ZNF219: variants seen among roughly 807,000 people sequenced by gnomAD.
The protein encoded by ZNF219 is zinc finger protein 219.
In ZNF219, 17 loss-of-function variants were observed where a neutral mutation model predicts 54.4. The ratio of observed to expected loss-of-function variants is 0.31; its 90% CI spans 0.21 to 0.47. The LOEUF (loss-of-function observed/expected upper bound fraction) is 0.47. Among genes scored for constraint, ZNF219 ranks in the 20% least tolerant of loss-of-function variants. The pLI is 1.00. For missense variants in ZNF219, 1,014 were observed against 1,062.3 expected (o/e 0.95, Z 0.63); for synonymous variants, 518 against 476.4 (o/e 1.09, Z -1.14).
chr14:21,093,516 G>C, intron 2 of ZNF219, 70 bp downstream of exon 2: 1 of 1,563,138 alleles, frequency 6.4e-7, no homozygotes. Flanking sequence ...GTCAAAGAGA[G>C]AGAGAGGTAG....
At chr14:21,101,927 C>G, upstream of ZNF219, 1 of 1,551,674 alleles carries the variant, frequency 6.4e-7, no homozygotes, top group Non-Finnish European at 8.7e-7. Context: ...CCTGCCTGAA[C>G]TCTGATTGTC....
At position 21,090,924 on chromosome 14, in the gene ZNF219, G is replaced by A. The variant is rs981606195; in HGVS notation, c.1781C>T (p.Pro594Leu). The change falls in exon 5 of 5, where the codon CCC becomes CTC. Residue 594 changes from proline to leucine, a missense_variant. By Grantham distance (98) the Pro-to-Leu change is moderately conservative (BLOSUM62 -3). Coordinates refer to ENST00000360947, the MANE Select transcript of ZNF219 (RefSeq NM_016423.3). This position sits in a 1 kb window ranked among gnomAD's most constrained non-coding sequence, Gnocchi z 4.4. ...CCCAGCACCGCTAGAAGGAGGCCGG[G>A]GACTTGAGGCGCCCTCCACCCAGGT... ...PATWVEGASS[P>L]RPPSSGAGPG... is the part of the protein sequence containing the mutation. 5 of 1,547,570 alleles carry A rather than the reference G, an allele frequency of 3.2e-6. No individual in the cohort carries two copies. The highest frequency in any genetic ancestry group is 1.4e-5 in the African/African-American group (1 of 73,444).
At chr14:21,095,370 A>G (rs1173875499) in intron 1 of ZNF219, among the ~76,000 whole-genome samples, 1 of 152,230 alleles carries the variant, frequency 6.6e-6, no homozygotes, top group Non-Finnish European at 1.5e-5. Flanking sequence ...TAGTGTCACA[A>G]AAGGTGAATT....
chr14:21,098,703 G>T (rs1286913392), upstream of ZNF219: 2 of 1,024,876 alleles, frequency 2.0e-6, no homozygotes, highest in Non-Finnish European at 2.5e-6. Flanking sequence ...CGGGGGTGGG[G>T]CGCACAGAGG....
upstream of ZNF219, chr14:21,101,317 C>A (rs1186022378): frequency 9.7e-6 from 15 of 1,547,956 alleles, no homozygotes. Flanking sequence ...GCCTAGGAAG[C>A]ACCTAATTCT....
chr14:21,093,087 A>G lies in ZNF219; in HGVS notation c.210T>C (p.Ser70=), dbSNP rs1416172197. 12 of 1,605,788 alleles carry G rather than the reference A, an allele frequency of 7.5e-6. No homozygotes were observed. In the East Asian group the frequency reaches 2.5e-4, roughly 33 times the overall value. Reference sequence around the variant, plus strand: ...GCGCCCGCAGGTGCAAAGCAAGGATAGAGTTGAAGCGGAAGCGCTTCCCGC... The same window carrying G: ...GCGCCCGCAGGTGCAAAGCAAGGATGGAGTTGAAGCGGAAGCGCTTCCCGC... The part of the protein sequence containing the change: ...PVCGKRFRFN[S]ILALHLRAHP... Residue 70 remains serine (S), a synonymous_variant, in exon 3 of 5, where the codon TCT becomes TCC. Transcript: ENST00000360947.
At chr14:21,091,584 C>A in intron 3 of ZNF219, 42 bp from the exon 4 acceptor site, 2 of 1,572,236 alleles carry the variant, frequency 1.3e-6, no homozygotes, top group Non-Finnish European at 1.7e-6. Flanking sequence ...GGGCCCACAC[C>A]CTGTCCAGGT....
At position 21,092,093 on chromosome 14, in the gene ZNF219, G is replaced by A. The variant is rs1394573349; in HGVS notation, c.1204C>T (p.Arg402Cys). Residue 402 changes from arginine to cysteine, a missense_variant, in exon 3 of 5, where the codon CGC (arginine) becomes TGC (cysteine). By Grantham distance (180) the Arg-to-Cys change is radical (BLOSUM62 -3). Coordinates refer to ENST00000360947, the MANE Select transcript of ZNF219 (RefSeq NM_016423.3). ...NGEGAEPGPGRSFGGFRPLSS... is the reference protein window; with the variant it reads ...NGEGAEPGPGCSFGGFRPLSS... ...AGCGGGCGGAAGCCTCCGAAGCTGCGGCCGGGACCGGGCTCAGCACCCTCG... is the reference window on the plus strand; with the variant it reads ...AGCGGGCGGAAGCCTCCGAAGCTGCAGCCGGGACCGGGCTCAGCACCCTCG... 3.3e-6 allele frequency: 5 copies of A among 1,534,622 alleles called. No individual in the cohort carries two copies. The highest frequency in any genetic ancestry group is 2.5e-5 in the East Asian group (1 of 39,740).
Position 21,091,112 on chromosome 14 carries a change from G to A in ZNF219, c.1593C>T (p.Cys531=), listed in dbSNP as rs1419727184. Residue 531 remains cysteine, a synonymous_variant, in exon 5 of 5, where the codon TGC becomes TGT. Transcript: ENST00000360947. ...AGCCGGACTGGGTGCCCGCGTAGTC[G>A]CAGTGCGGACACTTGTAGGGCCGCT... ...TGERPYKCPH[C]DYAGTQSGSL... 2 of 1,589,058 alleles carry A rather than the reference G, an allele frequency of 1.3e-6. No homozygotes were observed. Among genetic ancestry groups the A allele is most frequent in the African/African-American group, 1.3e-5 (1 of 74,668 alleles).
In ZNF219 at chr14:21,092,658, C is replaced by G; in HGVS notation, c.639G>C (p.Gly213=). ...ELLHHSLTAH[G]APERPLAATS... is the part of the protein sequence containing the mutation. ...TGGCCGCCAGGGGACGCTCGGGAGC[C>G]CCGTGGGCCGTCAGGCTGTGGTGCA... Residue 213 remains glycine (G), a synonymous_variant, in exon 3 of 5, where the codon GGG becomes GGC. Transcript: ENST00000360947. 1 of 1,569,202 alleles carries G rather than the reference C, an allele frequency of 6.4e-7. No homozygotes were observed. The highest frequency in any genetic ancestry group is 8.6e-7 in the Non-Finnish European group (1 of 1,159,656).
Position 21,093,142 on chromosome 14 carries a change from G to A in ZNF219, c.155C>T (p.Ala52Val). Residue 52 changes from alanine to valine, a missense_variant, in exon 3 of 5, where the codon GCA becomes GTA. By Grantham distance (64) the Ala-to-Val change is moderately conservative. Coordinates refer to ENST00000360947, the MANE Select transcript of ZNF219 (RefSeq NM_016423.3). Reference sequence around the variant, plus strand: ...AGGGCAGGGGAAGCGCCGTTCGCCTGCACGACTCTCAGACCAGCTCACCGC... The same window carrying A: ...AGGGCAGGGGAAGCGCCGTTCGCCTACACGACTCTCAGACCAGCTCACCGC... ...MGAVSWSESRAGERRFPCPVC... is the reference protein window; with the variant it reads ...MGAVSWSESRVGERRFPCPVC... 6.2e-7 allele frequency: 1 copy of A among 1,610,518 alleles called. No homozygotes were observed. Among genetic ancestry groups the A allele is most frequent in the South Asian group, 1.1e-5 (1 of 90,966 alleles).
chr14:21,102,820 A>G, upstream of ZNF219: 1 of 1,538,438 alleles, frequency 6.5e-7, no homozygotes, highest in South Asian at 1.2e-5. Flanking sequence ...CTAGCTGCCA[A>G]CTAATTTTTC....
At chr14:21,102,718 T>C (rs1202308868), upstream of ZNF219, 9 of 1,551,488 alleles carry the variant, frequency 5.8e-6, no homozygotes, top group Non-Finnish European at 7.8e-6. Context: ...CTATTCTTGC[T>C]GAGCCAGAGG....
At chr14:21,093,698 G>A in intron 1 of ZNF219, 24 bp from the exon 2 acceptor site, 1 of 1,608,326 alleles carries the variant, frequency 6.2e-7, no homozygotes, top group Non-Finnish European at 8.5e-7. Flanking sequence ...CAGATTTGGA[G>A]GAAAAGATGA....
chr14:21,102,490 G>T, upstream of ZNF219: 1 of 1,551,722 alleles, frequency 6.4e-7, no homozygotes, highest in East Asian at 2.4e-5. Flanking sequence ...ACAGCCTTGG[G>T]GCCTGCCCCA....
chr14:21,092,453 T>C lies in ZNF219; in HGVS notation c.844A>G (p.Ser282Gly). The change falls in exon 3 of 5, where the codon AGC becomes GGC. Residue 282 changes from serine to glycine, a missense_variant. By Grantham distance (56) the Ser-to-Gly change is moderately conservative. Transcript: ENST00000360947. ...TTGAGAAACCAAGACTGTGTAAAGC[T>C]CTGGCCGCACACTTGGCAGCGGAAC... Reference protein sequence around the residue: ...PEFRCQVCGQSFTQSWFLKGH... With the variant: ...PEFRCQVCGQGFTQSWFLKGH... 1 of 1,559,930 alleles carries C rather than the reference T, an allele frequency of 6.4e-7. No individual in the cohort carries two copies. Among genetic ancestry groups the C allele is most frequent in the East Asian group, 2.4e-5 (1 of 41,600 alleles).
upstream of ZNF219, chr14:21,102,119 AG>A: frequency 6.4e-7 from 1 of 1,550,830 alleles, no homozygotes; most frequent in Non-Finnish European, 8.7e-7. Flanking sequence ...CGCCTTTGGA[AG>A]GTGAGAGGGA....
chr14:21,097,900 TG>T (rs893246088), intron 1 of ZNF219, among the ~76,000 whole-genome samples: 1 of 149,572 alleles, frequency 6.7e-6, no homozygotes, highest in African/African-American at 2.5e-5. Context: ...GGCCGGGGGT[TG>T]GGGGGTGCAC....
chr14:21,094,052 G>C (rs1188509373), intron 1 of ZNF219, among the ~76,000 whole-genome samples: 3 of 152,150 alleles, frequency 2.0e-5, no homozygotes, highest in Non-Finnish European at 2.9e-5. Flanking sequence ...TTATCCAAGT[G>C]GGACCAGTTG....
Sources: allele counts gnomAD v4.1 joint callset (sites outside exome capture counted in the v4.1 genomes callset), GRCh38; gene constraint gnomAD v4.1.1; non-coding constraint Gnocchi (gnomAD v3.1); transcripts MANE v1.5; gene names NCBI Gene and HGNC (gene_info 2026-07-23, HGNC 2026-07-21).